DIAPH3: variants seen among roughly 807,000 people sequenced by gnomAD.
DIAPH3 encodes protein diaphanous homolog 3.
Under a neutral mutation model 144.3 loss-of-function variants are expected in DIAPH3, and 117 were observed. The observed-to-expected ratio is 0.81, with a 90% CI of 0.70 to 0.95. The LOEUF (loss-of-function observed/expected upper bound fraction) is 0.95. DIAPH3 is among the 40% of genes least tolerant of loss of function. The pLI is 0.00. For synonymous variants in DIAPH3, 519 were observed against 488.9 expected (o/e 1.06, Z -0.81); for missense variants, 1,421 against 1,412.7 (o/e 1.01, Z -0.09).
intron 5 of DIAPH3, among the ~76,000 whole-genome samples, chr13:60,035,557 A>G (rs2055152047): frequency 6.6e-6 from 1 of 152,188 alleles, no homozygotes; most frequent in African/African-American, 2.4e-5. Flanking sequence ...TTTTTTCATT[A>G]ATATTTCATC....
At chr13:59,886,736 T>C (rs1390824370) in intron 20 of DIAPH3, among the ~76,000 whole-genome samples, 1 of 152,092 alleles carries the variant, frequency 6.6e-6, no homozygotes, top group Non-Finnish European at 1.5e-5. Context: ...AATAATACTA[T>C]TTTAATTACA....
At chr13:59,947,360 T>A (rs1211412758) in intron 17 of DIAPH3, among the ~76,000 whole-genome samples, 3 of 152,188 alleles carry the variant, frequency 2.0e-5, no homozygotes, top group Non-Finnish European at 4.4e-5. Flanking sequence ...TAACTTTAAC[T>A]CTGCATGGTC....
At chr13:60,035,990 C>T (rs1012960549) in intron 5 of DIAPH3, among the ~76,000 whole-genome samples, 2 of 152,158 alleles carry the variant, frequency 1.3e-5, no homozygotes, top group Non-Finnish European at 2.9e-5. Flanking sequence ...AACTATAGCA[C>T]TTCCTGTCAG....
In DIAPH3 at chr13:60,089,799, T is replaced by C. The variant is rs1279384892; in HGVS notation, c.495+3829A>G. Among the ~76,000 whole-genome samples, 6 of 152,198 alleles carry C rather than the reference T, an allele frequency of 3.9e-5. No individual in the cohort carries two copies. The East Asian group carries it at 1.2e-3, about 29-fold the overall frequency. ...TGTAGTACCTCTCTCATCTATGCTA[T>C]GAGTGAGCCCACACTAAGTGAGGGG... On this transcript the variant is annotated intron_variant, in intron 4 of 27. Coordinates refer to ENST00000400324, the MANE Select transcript of DIAPH3 (RefSeq NM_001042517.2).
chr13:60,086,741 T>C (rs1379626723), intron 4 of DIAPH3, among the ~76,000 whole-genome samples: 1 of 152,164 alleles, frequency 6.6e-6, no homozygotes, highest in African/African-American at 2.4e-5. Context: ...TTAATTTACT[T>C]GTAACTGACA....
chr13:60,028,465 T>A (rs1198898178), intron 5 of DIAPH3, among the ~76,000 whole-genome samples: 1 of 152,134 alleles, frequency 6.6e-6, no homozygotes, highest in Non-Finnish European at 1.5e-5. Flanking sequence ...GAAACCAGCA[T>A]TTGGGGTTCT....
At chr13:60,081,123 A>T (rs2057545143) in intron 4 of DIAPH3, among the ~76,000 whole-genome samples, 1 of 152,010 alleles carries the variant, frequency 6.6e-6, no homozygotes, top group African/African-American at 2.4e-5. Context: ...AGACATATAC[A>T]AGCAGATGAG....
chr13:59,958,886 T>G (rs2049572052), intron 17 of DIAPH3, among the ~76,000 whole-genome samples: 1 of 146,134 alleles, frequency 6.8e-6, no homozygotes, highest in Non-Finnish European at 1.5e-5. Flanking sequence ...TTTTTTTTTT[T>G]TTTTTTGAGA....
intron 14 of DIAPH3, among the ~76,000 whole-genome samples, chr13:59,975,984 C>T (rs1479868167): frequency 6.6e-6 from 1 of 151,904 alleles, no homozygotes; most frequent in Non-Finnish European, 1.5e-5. Context: ...GTCCGCCCAC[C>T]TTCTCCTGTC....
At chr13:60,131,660 A>G (rs1395109232) in intron 2 of DIAPH3, among the ~76,000 whole-genome samples, 1 of 152,148 alleles carries the variant, frequency 6.6e-6, no homozygotes, top group Non-Finnish European at 1.5e-5. Context: ...GAGAGGGATT[A>G]TTTATGAACA....
At chr13:59,988,234 G>A (rs560227611) in intron 12 of DIAPH3, among the ~76,000 whole-genome samples, 3 of 151,856 alleles carry the variant, frequency 2.0e-5, no homozygotes, top group Middle Eastern at 3.4e-3. Context: ...ATTTGTTCAA[G>A]TTCTTTCAAG....
intron 5 of DIAPH3, among the ~76,000 whole-genome samples, chr13:60,033,804 T>C (rs944650274): frequency 2.6e-5 from 4 of 152,220 alleles, no homozygotes; most frequent in Non-Finnish European, 5.9e-5. Context: ...AAACTGTACC[T>C]GTTCCTTTCA....
At chr13:60,150,553 T>A (rs1194423312) in intron 1 of DIAPH3, among the ~76,000 whole-genome samples, 1 of 152,038 alleles carries the variant, frequency 6.6e-6, no homozygotes, top group Non-Finnish European at 1.5e-5. Flanking sequence ...CAAAGTACTG[T>A]GTGAGGGATA....
At chr13:59,969,056 C>A (rs959785138) in intron 17 of DIAPH3, among the ~76,000 whole-genome samples, 1 of 152,126 alleles carries the variant, frequency 6.6e-6, no homozygotes, top group Non-Finnish European at 1.5e-5. Flanking sequence ...AAGTGTTTTG[C>A]ACTACAGACC....
intron 27 of DIAPH3, among the ~76,000 whole-genome samples, chr13:59,727,444 T>C (rs552315955): frequency 6.6e-6 from 1 of 152,340 alleles, no homozygotes; most frequent in Non-Finnish European, 1.5e-5. Context: ...TCCATCCTTC[T>C]TTCTCAAAAA....
At chr13:59,894,528 GA>G (rs544988297) in intron 20 of DIAPH3, among the ~76,000 whole-genome samples, 10 of 141,748 alleles carry the variant, frequency 7.1e-5, no homozygotes, top group African/African-American at 2.1e-4. Context: ...CTTCCCAGGA[GA>G]AAAAAAAAAG....
chr13:60,125,042 T>A (rs958898054), intron 2 of DIAPH3, among the ~76,000 whole-genome samples: 1 of 152,114 alleles, frequency 6.6e-6, no homozygotes, highest in Non-Finnish European at 1.5e-5. Context: ...TCCCCATCTT[T>A]AAAGATGGGA....
chr13:59,821,359 A>C (rs2041064358), intron 24 of DIAPH3, among the ~76,000 whole-genome samples: 1 of 152,086 alleles, frequency 6.6e-6, no homozygotes, highest in Admixed American at 6.6e-5. Context: ...CACCATACTT[A>C]ATTACTACTT....
chr13:59,741,110 T>G (rs2036419908), intron 27 of DIAPH3, among the ~76,000 whole-genome samples: 1 of 152,170 alleles, frequency 6.6e-6, no homozygotes, highest in African/African-American at 2.4e-5. Context: ...AAGACAAACA[T>G]GATCAACTTA....
Sources: allele counts gnomAD v4.1 joint callset (sites outside exome capture counted in the v4.1 genomes callset), GRCh38; gene constraint gnomAD v4.1.1; transcripts MANE v1.5; gene names NCBI Gene and HGNC (gene_info 2026-07-23, HGNC 2026-07-21).